Variants in SREK1IP1 observed in about 807,000 individuals in gnomAD.
SREK1IP1 encodes SREK1 interacting protein 1.
Under a neutral mutation model 22.8 loss-of-function variants are expected in SREK1IP1, and 12 were observed. The observed-to-expected ratio is 0.53, with a 90% CI of 0.34 to 0.85. SREK1IP1 has a LOEUF of 0.85. Among genes scored for constraint, SREK1IP1 ranks in the 40% least tolerant of loss-of-function variants. The pLI is 0.02. For synonymous variants in SREK1IP1, 53 were observed against 52.7 expected (o/e 1.01, Z -0.02); for missense variants, 147 against 171.8 (o/e 0.86, Z 0.81).
intron 3 of SREK1IP1, among the ~76,000 whole-genome samples, chr5:64,731,634 A>G (rs1360032310): frequency 1.3e-5 from 2 of 152,140 alleles, no homozygotes; most frequent in Non-Finnish European, 2.9e-5. Flanking sequence ...AAATGACAGG[A>G]GCCTCAAAAG....
At chr5:64,767,934 A>G (rs976228471) in intron 1 of SREK1IP1, among the ~76,000 whole-genome samples, 6 of 152,204 alleles carry the variant, frequency 3.9e-5, no homozygotes, top group Non-Finnish European at 8.8e-5. Context: ...ACTTCTGGAC[A>G]TAGAATTTGA....
At chr5:64,766,788 C>T (rs540257438) in intron 1 of SREK1IP1, among the ~76,000 whole-genome samples, 9 of 152,324 alleles carry the variant, frequency 5.9e-5, no homozygotes, top group African/African-American at 1.9e-4. Flanking sequence ...TTCTTTGTCC[C>T]TCAGTGTCCT....
chr5:64,753,530 TC>T lies in SREK1IP1; in HGVS notation c.61+784del, dbSNP rs1742784656. ...AGTATGCGACTTGTTCTCTCAGCAT[TC>T]TTTTAATGTGCCCTTCTGATGGAGA... On this transcript the variant is annotated intron_variant, in intron 2 of 4. Transcript: ENST00000513458. 2.0e-5 allele frequency among the ~76,000 whole-genome samples: 3 copies of T among 152,326 alleles called. No individual in the cohort carries two copies. In the South Asian group the frequency reaches 6.2e-4, roughly 32 times the overall value.
At position 64,728,126 on chromosome 5, in the gene SREK1IP1, A is replaced by G. The variant is rs1351264617; in HGVS notation, c.259T>C (p.Leu87=). The G allele has an allele frequency of 1.4e-6, 2 of 1,411,496 alleles. No individual in the cohort carries two copies. The highest frequency in any genetic ancestry group is 1.9e-6 in the Non-Finnish European group (2 of 1,074,688). The allele number at this position is 1,411,496 out of a possible 1,614,324, so 87.4% of individuals were successfully genotyped here. The change falls in exon 4 of 5, where the codon TTG becomes CTG. Residue 87 remains leucine (L), a synonymous_variant. Coordinates refer to ENST00000513458, the MANE Select transcript of SREK1IP1 (RefSeq NM_173829.4). ...KKEKSKEKIK[L]KKKRKRSYSS... ...AAATACCTTTTCCTTTTTTTTTTCAATTTGATTTTTTCTTTGCTTTTTTCT... is the reference window on the plus strand; with the variant it reads ...AAATACCTTTTCCTTTTTTTTTTCAGTTTGATTTTTTCTTTGCTTTTTTCT...
Position 64,768,567 on chromosome 5 carries a change from T to G in SREK1IP1, c.-50A>C. 1 of 1,613,808 alleles carries G rather than the reference T, an allele frequency of 6.2e-7. No homozygotes were observed. Among genetic ancestry groups the G allele is most frequent in the Non-Finnish European group, 8.5e-7 (1 of 1,179,866 alleles). The stretch of plus-strand genomic sequence containing the variant: ...AGCCTCTGGCTTTCGAAAAGGCGCT[T>G]GCTTCCCGCCAGCTGTGAGAACAAG... On this transcript the variant is annotated 5_prime_UTR_variant, in exon 1 of 5. Transcript: ENST00000513458.
rs1742114044 is a variant in SREK1IP1, at chr5:64,719,167, A to T, written c.*5217T>A. The T allele has an allele frequency of 1.3e-5, 2 of 152,178 alleles. No homozygotes were observed. The highest frequency in any genetic ancestry group is 4.1e-4 in the South Asian group (2 of 4,828). The allele number at this position is 152,178 out of a possible 1,614,324, so 9.4% of individuals were successfully genotyped here. A position where few individuals can be genotyped will look rare whatever the true frequency, so the allele number is the denominator to read the frequency against. On this transcript the variant is annotated 3_prime_UTR_variant, in exon 5 of 5. Transcript: ENST00000513458. ...GCCACCAGTCACATGTGGCTACTGA[A>T]CACTTAAGATGTGGCTAATGCAACT...
Position 64,721,675 on chromosome 5 carries a change from A to T in SREK1IP1, c.*2709T>A, listed in dbSNP as rs531897692. On this transcript the variant is annotated 3_prime_UTR_variant, in exon 5 of 5. Transcript: ENST00000513458. ...AATCTAGTTCCAGATGCAAACCTAA[A>T]TATAAATTCTGCCTGCATTTGGTGA... 6.6e-6 allele frequency: 1 copy of T among 152,152 alleles called. No homozygotes were observed. The highest frequency in any genetic ancestry group is 1.5e-5 in the Non-Finnish European group (1 of 68,004). The allele number at this position is 152,152 out of a possible 1,614,324, so 9.4% of individuals were successfully genotyped here.
intron 1 of SREK1IP1, among the ~76,000 whole-genome samples, chr5:64,764,403 G>A (rs754934315): frequency 5.9e-5 from 9 of 152,178 alleles, no homozygotes; most frequent in Non-Finnish European, 1.0e-4. Context: ...GGTAGTTACA[G>A]GCAATATAGG....
At chr5:64,754,136 G>A (rs1208818698) in intron 2 of SREK1IP1, among the ~76,000 whole-genome samples, 179 bp downstream of exon 2, 2 of 152,170 alleles carry the variant, frequency 1.3e-5, no homozygotes, top group African/African-American at 4.8e-5. Context: ...TGGGTCTAAA[G>A]CAGGGAAGAA....
rs574602824 is a variant in SREK1IP1 at position 64,762,831 on chromosome 5, CA to C, written c.13+5673del. On this transcript the variant is annotated intron_variant, in intron 1 of 4. Coordinates refer to ENST00000513458, the MANE Select transcript of SREK1IP1 (RefSeq NM_173829.4). ...CTTTGGGAGGCTGAGGTGGGTGGATCACTTGAGGCCAGGAGTTCAAGACCAA... is the reference window on the plus strand; with the variant it reads ...CTTTGGGAGGCTGAGGTGGGTGGATCCTTGAGGCCAGGAGTTCAAGACCAA... Among the ~76,000 whole-genome samples the C allele has an allele frequency of 2.1e-4, 32 of 152,140 alleles. No individual in the cohort carries two copies. In the East Asian group the frequency reaches 5.8e-3, roughly 28 times the overall value.
At position 64,743,842 on chromosome 5, in the gene SREK1IP1, G is replaced by A. The variant is rs1742589864; in HGVS notation, c.62-2642C>T. ...AAATTATAATGGTTCTGTTATAGTA[G>A]GTAGCTAGTCAGGCATGAGTGGAGC... On this transcript the variant is annotated intron_variant, in intron 2 of 4. Transcript: ENST00000513458. Among the ~76,000 whole-genome samples, 3 of 152,070 alleles carry A rather than the reference G, an allele frequency of 2.0e-5. No individual in the cohort carries two copies. In the South Asian group the frequency reaches 6.2e-4, roughly 32 times the overall value.
At chr5:64,727,553 A>ATATATATATATATATATATT in intron 4 of SREK1IP1, 34 of 84,628 alleles carry the variant, frequency 4.0e-4, no homozygotes, top group African/African-American at 1.8e-3. Flanking sequence ...ATATATATAT[A>ATATATATATATATATATATT]TTTTTTTTTT....
At chr5:64,736,912 CTTCT>C (rs1305207428) in intron 3 of SREK1IP1, among the ~76,000 whole-genome samples, 9 of 142,456 alleles carry the variant, frequency 6.3e-5, no homozygotes, top group Admixed American at 3.2e-4. Context: ...AGTTGTCTCT[CTTCT>C]TTTTTTTTTT....
intron 2 of SREK1IP1, 81 bp from the exon 3 acceptor site, chr5:64,741,281 G>C (rs1742547484): frequency 7.9e-7 from 1 of 1,273,340 alleles, no homozygotes; most frequent in South Asian, 1.4e-5. Context: ...CTGCCTCACG[G>C]TAACCAGTAA....
chr5:64,736,915 CTTTT>C (rs563372606), intron 3 of SREK1IP1, among the ~76,000 whole-genome samples: 1 of 131,306 alleles, frequency 7.6e-6, no homozygotes, highest in Non-Finnish European at 1.7e-5. Flanking sequence ...TGTCTCTCTT[CTTTT>C]TTTTTTTTTT....
rs909444881 is a variant in SREK1IP1, at chr5:64,737,406, A to G, written c.205+3651T>C. Among the ~76,000 whole-genome samples the G allele has an allele frequency of 4.5e-4, 69 of 151,804 alleles. 1 individual carries two copies. Among genetic ancestry groups the G allele is most frequent in the African/African-American group, 1.5e-3 (62 of 41,398 alleles). On this transcript the variant is annotated intron_variant, in intron 3 of 4. Transcript: ENST00000513458. ...GAGATAAATGAAATTACAACACACC[A>G]CAATTTATGGGATTCTGCAAAAGCA...
chr5:64,754,437 A>G, intron 1 of SREK1IP1, 75 bp from the exon 2 acceptor site: 1 of 1,438,366 alleles, frequency 7.0e-7, no homozygotes, highest in Non-Finnish European at 9.7e-7. Context: ...GTATGAAAAA[A>G]GCTAAGAAAA....
At chr5:64,754,127 G>A (rs1236900220) in intron 2 of SREK1IP1, among the ~76,000 whole-genome samples, 188 bp downstream of exon 2, 1 of 152,086 alleles carries the variant, frequency 6.6e-6, no homozygotes, top group East Asian at 1.9e-4. Flanking sequence ...ACCTGTTACT[G>A]GGTCTAAAGC....
rs986890700 is a variant in SREK1IP1 at position 64,721,046 on chromosome 5, G to A, written c.*3338C>T. 1 of 152,142 alleles carries A rather than the reference G, an allele frequency of 6.6e-6. No individual in the cohort carries two copies. Among genetic ancestry groups the A allele is most frequent in the Admixed American group, 6.5e-5 (1 of 15,276 alleles). 9.4% of individuals were successfully genotyped at this position (152,142 alleles called of 1,614,324 possible). On this transcript the variant is annotated 3_prime_UTR_variant, in exon 5 of 5. Coordinates refer to ENST00000513458, the MANE Select transcript of SREK1IP1 (RefSeq NM_173829.4). ...TTGTTCACAGTACCCACTCTGTCAG[G>A]AACTGCCATAACCCTCATTCTTATC...
Sources: gnomAD v4.1 joint callset for allele counts (sites outside exome capture counted in the v4.1 genomes callset) on GRCh38, gnomAD v4.1.1 for gene constraint, MANE v1.5 for transcripts, NCBI Gene and HGNC (gene_info 2026-07-23, HGNC 2026-07-21) for gene names.